PAK3: variants seen among roughly 807,000 people sequenced by gnomAD.
The protein encoded by PAK3 is serine/threonine-protein kinase PAK 3.
A neutral mutation model predicts 41.0 loss-of-function variants in PAK3; 4 were observed. The observed-to-expected ratio is 0.10, with a 90% CI of 0.05 to 0.22. The LOEUF (loss-of-function observed/expected upper bound fraction) is 0.22, where lower values mean the gene tolerates loss of function less well. PAK3 is among the 10% of genes least tolerant of loss of function. PAK3 has a pLI of 1.00. For missense variants in PAK3, 205 were observed against 409.9 expected, an observed-to-expected ratio of 0.50 and a Z score of 4.32; for synonymous variants, 146 against 139.6, an observed-to-expected ratio of 1.05 and a Z score of -0.32.
At chrX:111,063,766 C>T (rs1316524519) in intron 1 of PAK3, among the ~76,000 whole-genome samples, 1 of 106,137 alleles carries the variant, frequency 9.4e-6, no homozygotes, top group African/African-American at 3.5e-5. Context: ...GAGAAGGTTA[C>T]AGTAAGCCGA....
intron 10 of PAK3, among the ~76,000 whole-genome samples, chrX:111,164,894 G>C (rs778389205): frequency 1.8e-5 from 2 of 111,655 alleles, no homozygotes; most frequent in South Asian, 7.5e-4. Flanking sequence ...AAAGACCTCA[G>C]AAAAGGAAGA....
chrX:111,082,662 C>A (rs1206119089), intron 1 of PAK3, among the ~76,000 whole-genome samples: 1 of 111,555 alleles, frequency 9.0e-6, no homozygotes, highest in Non-Finnish European at 1.9e-5. Context: ...AAAAAGGAAA[C>A]CAGTTTTACT....
At chrX:111,160,764 G>A (rs1409891432) in intron 8 of PAK3, among the ~76,000 whole-genome samples, 1 of 111,361 alleles carries the variant, frequency 9.0e-6, no homozygotes, top group Non-Finnish European at 1.9e-5. Context: ...ATGGTTTCCA[G>A]CTTCATCCAC....
intron 1 of PAK3, among the ~76,000 whole-genome samples, chrX:110,966,970 G>C (rs1431969171): frequency 2.7e-5 from 3 of 112,236 alleles, no homozygotes; most frequent in African/African-American, 9.7e-5. Context: ...AATGATTGTT[G>C]TCCTATGTGT....
At chrX:110,945,630 T>A (rs913353881) in intron 1 of PAK3, among the ~76,000 whole-genome samples, 1 of 112,148 alleles carries the variant, frequency 8.9e-6, no homozygotes, top group African/African-American at 3.2e-5. Flanking sequence ...TCTTACTTAC[T>A]ACAGTGAAGT....
chrX:111,064,524 C>T (rs1175117973), intron 1 of PAK3, among the ~76,000 whole-genome samples: 1 of 108,953 alleles, frequency 9.2e-6, no homozygotes, highest in Non-Finnish European at 1.9e-5. Flanking sequence ...GTTCAGCTCC[C>T]ACTTATAAGT....
intron 1 of PAK3, among the ~76,000 whole-genome samples, chrX:110,999,538 TCAGC>T (rs202065826): frequency 0.015 from 1,684 of 111,230 alleles, 36 homozygotes; most frequent in African/African-American, 0.051. Flanking sequence ...TCTTCAGTGC[TCAGC>T]CAGAGCCAGA....
chrX:111,122,338 G>A (rs1420355261), intron 4 of PAK3, among the ~76,000 whole-genome samples: 2 of 107,078 alleles, frequency 1.9e-5, no homozygotes, highest in Non-Finnish European at 3.8e-5. Flanking sequence ...CTTACAGCTA[G>A]CTACCTCTGT....
intron 8 of PAK3, among the ~76,000 whole-genome samples, chrX:111,156,751 T>C (rs1184272754): frequency 8.9e-6 from 1 of 111,919 alleles, no homozygotes; most frequent in Non-Finnish European, 1.9e-5. Context: ...AATATTGAAC[T>C]CAGGGATAGA....
chrX:111,202,097 T>C (rs1252835901), intron 16 of PAK3, among the ~76,000 whole-genome samples: 2 of 110,972 alleles, frequency 1.8e-5, no homozygotes, highest in Non-Finnish European at 3.8e-5. Context: ...GCTATACATT[T>C]CAAGGTCATT....
At position 111,113,691 on chromosome X, in the gene PAK3, C is replaced by T. The variant is rs762393144; in HGVS notation, c.-27-9386C>T. 6.3e-5 allele frequency among the ~76,000 whole-genome samples: 7 copies of T among 110,737 alleles called. No homozygotes were observed. The East Asian group carries it at 1.1e-3, about 18-fold the overall frequency. ...CATGCAGGTTTGTCACATATGTATA[C>T]ATGTGCCATGTTGGTGTGCTGCACC... On this transcript the variant is annotated intron_variant, in intron 4 of 17. Coordinates refer to ENST00000372007, the MANE Select transcript of PAK3 (RefSeq NM_002578.5).
intron 1 of PAK3, among the ~76,000 whole-genome samples, chrX:110,962,568 C>T (rs1437746539): frequency 8.9e-6 from 1 of 112,492 alleles, no homozygotes; most frequent in Non-Finnish European, 1.9e-5. Context: ...ATTAATGACT[C>T]CCAGGGACTT....
intron 1 of PAK3, among the ~76,000 whole-genome samples, chrX:110,967,548 A>G (rs1172286692): frequency 1.8e-5 from 2 of 111,317 alleles, no homozygotes; most frequent in Non-Finnish European, 3.8e-5. Flanking sequence ...GAGCAGTGGG[A>G]AGCCTGGGAA....
intron 1 of PAK3, among the ~76,000 whole-genome samples, chrX:110,945,362 C>A (rs2090594765): frequency 9.0e-6 from 1 of 111,631 alleles, no homozygotes; most frequent in Admixed American, 9.5e-5. Context: ...ACCTGTTCTG[C>A]CCACATTGGA....
chrX:111,171,117 G>A (rs1277036468), intron 10 of PAK3, among the ~76,000 whole-genome samples: 1 of 111,215 alleles, frequency 9.0e-6, no homozygotes, highest in Non-Finnish European at 1.9e-5. Context: ...AGTAGGTTAT[G>A]ACTGGCACAA....
At chrX:111,020,313 G>A (rs2092157980) in intron 1 of PAK3, among the ~76,000 whole-genome samples, 1 of 112,097 alleles carries the variant, frequency 8.9e-6, no homozygotes, top group South Asian at 3.7e-4. Flanking sequence ...GACAAATATT[G>A]TATGATTCCA....
At chrX:111,109,890 G>A (rs143522036) in intron 4 of PAK3, among the ~76,000 whole-genome samples, 216 of 111,984 alleles carry the variant, frequency 1.9e-3, no homozygotes, top group African/African-American at 6.3e-3. Flanking sequence ...GAAACTTTCC[G>A]TGACTTAGGA....
chrX:111,083,451 T>A (rs1459892902), intron 1 of PAK3, among the ~76,000 whole-genome samples: 1 of 112,115 alleles, frequency 8.9e-6, no homozygotes, highest in Non-Finnish European at 1.9e-5. Context: ...TTGAGGAGGC[T>A]CAAATCATTA....
At chrX:111,167,314 A>T (rs1038602502) in intron 10 of PAK3, among the ~76,000 whole-genome samples, 16 of 110,882 alleles carry the variant, frequency 1.4e-4, no homozygotes, top group Non-Finnish European at 3.0e-4. Context: ...GGAAAAAGGG[A>T]AACAGGCAGG....
Sources: allele counts gnomAD v4.1 joint callset (sites outside exome capture counted in the v4.1 genomes callset), GRCh38; gene constraint gnomAD v4.1.1; transcripts MANE v1.5; gene names NCBI Gene and HGNC (gene_info 2026-07-23, HGNC 2026-07-21).